Variants in PDE7B observed in about 807,000 individuals in gnomAD.
PDE7B encodes the protein phosphodiesterase 7B, also known as 3',5'-cyclic-AMP phosphodiesterase 7B.
Under a neutral mutation model 56.2 loss-of-function variants are expected in PDE7B, and 29 were observed. The ratio of observed to expected loss-of-function variants is 0.52; its 90% CI spans 0.38 to 0.70. The LOEUF is 0.70. Among genes scored for constraint, PDE7B ranks in the 30% least tolerant of loss-of-function variants. The pLI, the probability that PDE7B is intolerant of heterozygous loss-of-function variation, is 0.00. For missense variants in PDE7B, 490 were observed against 565.0 expected (o/e 0.87, Z 1.35); for synonymous variants, 197 against 196.9 (o/e 1.00, Z 0.00).
intron 9 of PDE7B, among the ~76,000 whole-genome samples, chr6:136,177,699 G>C (rs531554622): frequency 1.3e-5 from 2 of 152,196 alleles, no homozygotes; most frequent in South Asian, 4.2e-4. Context: ...CCATCATTTT[G>C]AAAATAATTG....
At chr6:136,055,466 CA>C (rs1776713746) in intron 2 of PDE7B, among the ~76,000 whole-genome samples, 1 of 152,176 alleles carries the variant, frequency 6.6e-6, no homozygotes, top group African/African-American at 2.4e-5. Flanking sequence ...TGGAGACACT[CA>C]AAAATTCAAG....
At chr6:136,115,036 C>T (rs1042001468) in intron 3 of PDE7B, 1 of 152,146 alleles carries the variant, frequency 6.6e-6, no homozygotes, top group African/African-American at 2.4e-5. Flanking sequence ...TATTACTACC[C>T]CTCGACGGAG....
chr6:136,098,588 A>T (rs1279546572), intron 2 of PDE7B, among the ~76,000 whole-genome samples: 2 of 152,184 alleles, frequency 1.3e-5, no homozygotes, highest in African/African-American at 4.8e-5. Context: ...TATAAAAATC[A>T]TAAAGCCTCA....
chr6:136,024,488 A>G (rs1031077873), intron 2 of PDE7B, among the ~76,000 whole-genome samples: 2 of 150,592 alleles, frequency 1.3e-5, no homozygotes, highest in African/African-American at 4.9e-5. Flanking sequence ...TACCTTTACT[A>G]TGTGTTTCCC....
At chr6:135,953,747 A>G (rs925999563) in intron 2 of PDE7B, among the ~76,000 whole-genome samples, 4 of 152,294 alleles carry the variant, frequency 2.6e-5, no homozygotes, top group Middle Eastern at 3.4e-3. Context: ...TTGGCAATTT[A>G]GTAATGAACA....
intron 1 of PDE7B, among the ~76,000 whole-genome samples, chr6:135,867,909 G>C (rs902865551): frequency 6.6e-6 from 1 of 152,078 alleles, no homozygotes; most frequent in Non-Finnish European, 1.5e-5. Context: ...TGTATGAGTT[G>C]TTCTCTTTAA....
intron 2 of PDE7B, among the ~76,000 whole-genome samples, chr6:135,949,363 C>A (rs1774654617): frequency 1.3e-5 from 2 of 152,012 alleles, no homozygotes; most frequent in African/African-American, 4.8e-5. Context: ...AAAGTAAGAT[C>A]AATTATCTTT....
At chr6:135,890,410 T>C (rs1189850032) in intron 1 of PDE7B, among the ~76,000 whole-genome samples, 2 of 152,196 alleles carry the variant, frequency 1.3e-5, no homozygotes, top group Non-Finnish European at 2.9e-5. Flanking sequence ...ACCAGAGTGC[T>C]GCTATTGATT....
At chr6:136,135,665 G>T (rs189471033) in intron 3 of PDE7B, among the ~76,000 whole-genome samples, 3 of 152,058 alleles carry the variant, frequency 2.0e-5, no homozygotes, top group African/African-American at 7.2e-5. Flanking sequence ...AAGACTGGGG[G>T]AGTCATAGTA....
intron 2 of PDE7B, among the ~76,000 whole-genome samples, chr6:136,004,001 A>T (rs1353560059): frequency 6.6e-6 from 1 of 152,064 alleles, no homozygotes; most frequent in African/African-American, 2.4e-5. Context: ...AAGCTTATCC[A>T]CCATGATCAA....
chr6:135,909,471 T>C (rs565821830), intron 1 of PDE7B, among the ~76,000 whole-genome samples: 1 of 152,154 alleles, frequency 6.6e-6, no homozygotes, highest in South Asian at 2.1e-4. Context: ...CTGGGAGTGG[T>C]GGTGTGCGCC....
chr6:136,166,575 G>A (rs1418380950), intron 8 of PDE7B, among the ~76,000 whole-genome samples: 3 of 151,962 alleles, frequency 2.0e-5, no homozygotes, highest in Non-Finnish European at 4.4e-5. Flanking sequence ...AGAGAGTGAG[G>A]GCAAGGTGCT....
intron 1 of PDE7B, among the ~76,000 whole-genome samples, chr6:135,889,300 C>T (rs1286710608): frequency 6.6e-6 from 1 of 151,860 alleles, no homozygotes; most frequent in Non-Finnish European, 1.5e-5. Context: ...GTCCAGCTGT[C>T]TCCAGCTGAA....
At chr6:135,906,817 T>TTTTTTTTTTTTTTGTTTTG (rs1776118542) in intron 1 of PDE7B, among the ~76,000 whole-genome samples, 1 of 144,938 alleles carries the variant, frequency 6.9e-6, no homozygotes, top group African/African-American at 2.6e-5. Flanking sequence ...TTTGTTTTTT[T>TTTTTTTTTTTTTTGTTTTG]TTTTTTTTTT....
At chr6:135,889,825 T>C (rs1422103447) in intron 1 of PDE7B, among the ~76,000 whole-genome samples, 2 of 137,998 alleles carry the variant, frequency 1.4e-5, no homozygotes, top group African/African-American at 5.5e-5. Context: ...CGATCTCAGC[T>C]CACTGCAACC....
At chr6:135,866,597 T>A (rs1775265841) in intron 1 of PDE7B, among the ~76,000 whole-genome samples, 1 of 152,242 alleles carries the variant, frequency 6.6e-6, no homozygotes, top group Non-Finnish European at 1.5e-5. Flanking sequence ...ATATTTGGCA[T>A]ACTACACTAT....
chr6:136,132,925 T>C (rs1778142815), intron 3 of PDE7B, among the ~76,000 whole-genome samples: 1 of 152,152 alleles, frequency 6.6e-6, no homozygotes, highest in South Asian at 2.1e-4. Context: ...CTACAATCCA[T>C]AGAGCGCCGT....
chr6:135,867,410 G>A (rs1327522877), intron 1 of PDE7B, among the ~76,000 whole-genome samples: 2 of 152,052 alleles, frequency 1.3e-5, no homozygotes, highest in African/African-American at 2.4e-5. Context: ...TTAATACATC[G>A]TAAGGTTTAA....
intron 12 of PDE7B, 40 bp downstream of exon 12, chr6:136,187,156 G>A: frequency 1.0e-6 from 1 of 971,610 alleles, no homozygotes; most frequent in East Asian, 2.4e-5. Context: ...AAATACCTTT[G>A]GCACATCTCA....
Sources: allele counts gnomAD v4.1 joint callset (sites outside exome capture counted in the v4.1 genomes callset), GRCh38; gene constraint gnomAD v4.1.1; transcripts MANE v1.5; gene names NCBI Gene and HGNC (gene_info 2026-07-23, HGNC 2026-07-21).